The following PIK3CB variants were observed in gnomAD, a reference collection of about 807,000 sequenced individuals.
PIK3CB encodes phosphatidylinositol-4,5-bisphosphate 3-kinase catalytic subunit beta.
A neutral mutation model predicts 136.8 loss-of-function variants in PIK3CB; 39 were observed. That is an observed-to-expected ratio of 0.29 (90% confidence interval 0.22 to 0.37). The LOEUF is 0.37. PIK3CB is among the 10% of genes least tolerant of loss of function. PIK3CB has a pLI of 1.00. For synonymous variants in PIK3CB, 428 were observed against 436.6 expected, an observed-to-expected ratio of 0.98 and a Z score of 0.25; for missense variants, 868 against 1,275.4, an observed-to-expected ratio of 0.68 and a Z score of 4.87.
chr3:138,715,104 T>G (rs2044580651), intron 8 of PIK3CB, among the ~76,000 whole-genome samples: 1 of 152,204 alleles, frequency 6.6e-6, no homozygotes, highest in Non-Finnish European at 1.5e-5. Flanking sequence ...TGAGGTCTTG[T>G]CTTACCCTTC....
chr3:138,759,965 A>C (rs2045639416), intron 2 of PIK3CB, among the ~76,000 whole-genome samples: 1 of 151,282 alleles, frequency 6.6e-6, no homozygotes, highest in Non-Finnish European at 1.5e-5. Context: ...TCTGTTGCCT[A>C]GGCTGGAATG....
chr3:138,721,597 T>C (rs1402659813), intron 8 of PIK3CB, among the ~76,000 whole-genome samples: 1 of 152,206 alleles, frequency 6.6e-6, no homozygotes, highest in East Asian at 1.9e-4. Context: ...CAAATCCAGT[T>C]TTGAATAAAA....
chr3:138,654,702 A>G lies in PIK3CB; in HGVS notation c.*687T>C, dbSNP rs1161812699. 1 of 220,534 alleles carries G rather than the reference A, an allele frequency of 4.5e-6. No homozygotes were observed. The highest frequency in any genetic ancestry group is 5.8e-5 in the Admixed American group (1 of 17,342). 13.7% of individuals were successfully genotyped at this position (220,534 alleles called of 1,614,324 possible). A position where few individuals can be genotyped will look rare whatever the true frequency, so the allele number is the denominator to read the frequency against. On this transcript the variant is annotated 3_prime_UTR_variant, in exon 24 of 24. Transcript: ENST00000674063. The stretch of plus-strand genomic sequence containing the variant: ...TAAATCACAGGCTGAAGAATACCAA[A>G]GAAACATTTATATAGAACTCCCACT...
chr3:138,819,974 G>A (rs6791447), intron 1 of PIK3CB, among the ~76,000 whole-genome samples: 151,689 of 152,322 alleles, frequency 1, 75,539 homozygotes, highest in Middle Eastern at 1. Flanking sequence ...ACTCTGTCTC[G>A]ATCAATCAAT....
chr3:138,747,054 T>TTATATATATATA (rs59299476), intron 4 of PIK3CB, among the ~76,000 whole-genome samples: 1 of 42,246 alleles, frequency 2.4e-5, no homozygotes, highest in Non-Finnish European at 4.6e-5. Context: ...TATTCAGCCT[T>TTATATATATATA]TATATATATA....
intron 1 of PIK3CB, among the ~76,000 whole-genome samples, chr3:138,833,072 T>C (rs1470060663): frequency 1.3e-5 from 2 of 151,414 alleles, no homozygotes; most frequent in Non-Finnish European, 2.9e-5. Context: ...AAAGATTTTT[T>C]TTTTTTCTTT....
intron 10 of PIK3CB, among the ~76,000 whole-genome samples, chr3:138,710,363 C>T (rs2044472258): frequency 6.6e-6 from 1 of 152,008 alleles, no homozygotes; most frequent in Non-Finnish European, 1.5e-5. Flanking sequence ...AAATGATTAT[C>T]CAAAAGTAAT....
At chr3:138,730,530 C>A (rs56820206) in intron 8 of PIK3CB, among the ~76,000 whole-genome samples, 1 of 152,106 alleles carries the variant, frequency 6.6e-6, no homozygotes, top group African/African-American at 2.4e-5. Flanking sequence ...TACGTAGATT[C>A]TATATCGATA....
intron 8 of PIK3CB, among the ~76,000 whole-genome samples, chr3:138,723,625 ACTT>A (rs1429857925): frequency 6.6e-6 from 1 of 152,210 alleles, no homozygotes; most frequent in Non-Finnish European, 1.5e-5. Flanking sequence ...TCATGGAAAC[ACTT>A]CTTCACAAGC....
intron 2 of PIK3CB, among the ~76,000 whole-genome samples, chr3:138,777,540 C>G (rs2045873666): frequency 6.6e-6 from 1 of 152,152 alleles, no homozygotes; most frequent in African/African-American, 2.4e-5. Flanking sequence ...TGTTTTTCCA[C>G]CTGATGCCCA....
chr3:138,805,339 AAAC>A (rs894261850), intron 1 of PIK3CB, among the ~76,000 whole-genome samples: 105 of 144,176 alleles, frequency 7.3e-4, no homozygotes, highest in Admixed American at 5.8e-3. Context: ...TCTCAAAAAC[AAAC>A]AACAACAACA....
intron 2 of PIK3CB, among the ~76,000 whole-genome samples, chr3:138,760,784 G>A (rs545752864): frequency 2.6e-5 from 4 of 152,240 alleles, no homozygotes; most frequent in Admixed American, 1.3e-4. Flanking sequence ...GTGCATACCT[G>A]TAGTCCCAGC....
At chr3:138,705,174 CAAAAAACAAAACAAACAAAAA>C (rs2044344789) in intron 11 of PIK3CB, among the ~76,000 whole-genome samples, 2 of 57,060 alleles carry the variant, frequency 3.5e-5, no homozygotes, top group African/African-American at 1.7e-4. Context: ...AAAAAAAAAA[CAAAAAACAAAACAAACAAAAA>C]AAAAAACTTA....
chr3:138,678,056 T>G (rs2043686422), intron 19 of PIK3CB, among the ~76,000 whole-genome samples: 1 of 152,072 alleles, frequency 6.6e-6, no homozygotes, highest in African/African-American at 2.4e-5. Flanking sequence ...GAGGATCGCT[T>G]GAGGCCAGGA....
At chr3:138,686,110 G>C (rs2108493104) in intron 16 of PIK3CB, among the ~76,000 whole-genome samples, 1 of 151,866 alleles carries the variant, frequency 6.6e-6, no homozygotes, top group East Asian at 1.9e-4. Context: ...ACACTCTCCA[G>C]CCTGGGCAAC....
chr3:138,827,126 T>C (rs191649690), intron 1 of PIK3CB, among the ~76,000 whole-genome samples: 3 of 152,192 alleles, frequency 2.0e-5, no homozygotes, highest in Admixed American at 6.6e-5. Context: ...TACGATTGAA[T>C]ACAGGATCAA....
chr3:138,675,098 A>G (rs1023653148), intron 19 of PIK3CB, among the ~76,000 whole-genome samples: 2 of 152,180 alleles, frequency 1.3e-5, no homozygotes, highest in African/African-American at 4.8e-5. Context: ...ATGATGTATC[A>G]ACAAAGGAAG....
At chr3:138,743,782 A>C (rs112205696) in intron 4 of PIK3CB, among the ~76,000 whole-genome samples, 84 of 152,212 alleles carry the variant, frequency 5.5e-4, no homozygotes, top group African/African-American at 1.8e-3. Context: ...AGTTGTCTTG[A>C]ACTCCTGGGC....
intron 5 of PIK3CB, among the ~76,000 whole-genome samples, chr3:138,741,121 T>A (rs749289846): frequency 5.9e-5 from 9 of 152,220 alleles, no homozygotes; most frequent in Non-Finnish European, 8.8e-5. Flanking sequence ...ACAAATGGTG[T>A]TTTTCCCTAG....
Sources: gnomAD v4.1 joint callset for allele counts (sites outside exome capture counted in the v4.1 genomes callset) on GRCh38, gnomAD v4.1.1 for gene constraint, MANE v1.5 for transcripts, NCBI Gene and HGNC (gene_info 2026-07-23, HGNC 2026-07-21) for gene names.